The following PRH1 variants were observed in gnomAD, a reference collection of about 807,000 sequenced individuals.
PRH1 encodes proline rich protein HaeIII subfamily 1.
A neutral mutation model predicts 7.9 loss-of-function variants in PRH1; 7 were observed. That is an observed-to-expected ratio of 0.89 (90% CI 0.50 to 1.67). The LOEUF is 1.67. PRH1 is among the 40% of genes most tolerant of loss of function. PRH1 has a pLI of 0.00. For missense variants in PRH1, 109 were observed against 223.6 expected, an observed-to-expected ratio of 0.49 and a Z score of 3.27; for synonymous variants, 45 against 80.8, an observed-to-expected ratio of 0.56 and a Z score of 2.38.
At position 11,113,978 on chromosome 12, in the gene PRH1, T is replaced by C. The variant is rs558096100; in HGVS notation, n.123+57444A>G. 1.4e-3 allele frequency among the ~76,000 whole-genome samples: 207 copies of C among 151,944 alleles called. 1 individual carries two copies. Among genetic ancestry groups the C allele is most frequent in the Middle Eastern group, 3.4e-3 (1 of 294 alleles). On this transcript the variant is annotated intron_variant and non_coding_transcript_variant, in intron 1 of 4. Transcript: ENST00000541977. Reference sequence around the variant, plus strand: ...AATGAGATACCATCTCATGACAGAATGGTGATCATTAAAAAGTCAGGAAAC... The same window carrying C: ...AATGAGATACCATCTCATGACAGAACGGTGATCATTAAAAAGTCAGGAAAC...
intron 1 of PRH1, chr12:10,997,340 ACAGTCAAGTTGGAAAGGTGCATT>A (rs901985651): frequency 1.2e-6 from 2 of 1,614,122 alleles, no homozygotes; most frequent in African/African-American, 2.7e-5. Context: ...TAGCATGGCT[ACAGTCAAGTTGGAAAGGTGCATT>A]GCATTCCTCA....
At chr12:11,165,039 T>C (rs1947529873) in intron 1 of PRH1, among the ~76,000 whole-genome samples, 1 of 152,216 alleles carries the variant, frequency 6.6e-6, no homozygotes, top group African/African-American at 2.4e-5. Flanking sequence ...TTTCACTTGG[T>C]AGAATGTTTA....
intron 1 of PRH1, among the ~76,000 whole-genome samples, chr12:11,066,779 T>A (rs1337166175): frequency 6.6e-6 from 1 of 151,806 alleles, no homozygotes; most frequent in African/African-American, 2.4e-5. Flanking sequence ...GGCCTCATGT[T>A]TCTTCTATGA....
chr12:11,167,445 ATT>A (rs145652303), intron 1 of PRH1, among the ~76,000 whole-genome samples: 27 of 140,400 alleles, frequency 1.9e-4, no homozygotes, highest in African/African-American at 3.7e-4. Flanking sequence ...AAGGCTTGTA[ATT>A]TTTTTTTTTT....
intron 1 of PRH1, chr12:11,166,397 C>A (rs999470468): frequency 2.0e-5 from 3 of 151,658 alleles, no homozygotes; most frequent in Non-Finnish European, 2.9e-5. Flanking sequence ...CCTGTGACAA[C>A]AGACTTCTAA....
chr12:11,104,571 T>C (rs951732021), intron 1 of PRH1, among the ~76,000 whole-genome samples: 6 of 151,586 alleles, frequency 4.0e-5, no homozygotes, highest in African/African-American at 1.5e-4. Flanking sequence ...TGTATAAGTA[T>C]GCCACAATTT....
At chr12:11,041,743 TAAAC>T (rs1328171715) in intron 1 of PRH1, among the ~76,000 whole-genome samples, 4 of 152,278 alleles carry the variant, frequency 2.6e-5, no homozygotes, top group Admixed American at 2.6e-4. Flanking sequence ...AAACAAGTCT[TAAAC>T]AATCCAAAAA....
At chr12:10,986,640 G>C in intron 1 of PRH1, 1 of 1,613,262 alleles carries the variant, frequency 6.2e-7, no homozygotes, top group Non-Finnish European at 8.5e-7. Flanking sequence ...ACTATAAAAA[G>C]CTGGATTCAA....
intron 1 of PRH1, among the ~76,000 whole-genome samples, chr12:11,136,627 CAA>C (rs1464917731): frequency 2.0e-5 from 3 of 152,112 alleles, no homozygotes; most frequent in Admixed American, 6.6e-5. Flanking sequence ...TAATCACCCT[CAA>C]GACATTATTA....
intron 2 of PRH1, among the ~76,000 whole-genome samples, chr12:10,910,850 T>G (rs1004292612): frequency 8.5e-5 from 13 of 152,204 alleles, no homozygotes; most frequent in African/African-American, 2.9e-4. Context: ...GAATTATGAA[T>G]GTTTGTATTT....
chr12:10,959,785 C>A (rs1253054071), intron 2 of PRH1, among the ~76,000 whole-genome samples: 1 of 151,972 alleles, frequency 6.6e-6, no homozygotes, highest in African/African-American at 2.4e-5. Context: ...TCTATTGAAC[C>A]ATTTGGCTAC....
chr12:11,008,663 C>T (rs1279197760), intron 1 of PRH1, among the ~76,000 whole-genome samples: 2 of 152,144 alleles, frequency 1.3e-5, no homozygotes, highest in Non-Finnish European at 2.9e-5. Flanking sequence ...CTGGACTTAA[C>T]ATTATGAATC....
intron 2 of PRH1, among the ~76,000 whole-genome samples, chr12:10,903,035 A>G (rs928112904): frequency 1.3e-5 from 2 of 152,190 alleles, no homozygotes; most frequent in African/African-American, 4.8e-5. Flanking sequence ...TAAATGGTCT[A>G]AATACCCTCA....
At chr12:10,967,390 A>G (rs551066004) in intron 2 of PRH1, among the ~76,000 whole-genome samples, 18 of 152,320 alleles carry the variant, frequency 1.2e-4, no homozygotes, top group African/African-American at 4.3e-4. Context: ...AAAATGGTAA[A>G]CACAGCAATG....
chr12:10,960,561 T>C (rs1938190993), intron 2 of PRH1, among the ~76,000 whole-genome samples: 1 of 152,202 alleles, frequency 6.6e-6, no homozygotes, highest in East Asian at 1.9e-4. Flanking sequence ...AATTTGTTTG[T>C]TGGGGTAAGA....
chr12:11,019,835 T>A (rs2136065443), intron 1 of PRH1, among the ~76,000 whole-genome samples: 1 of 152,404 alleles, frequency 6.6e-6, no homozygotes, highest in East Asian at 1.9e-4. Flanking sequence ...CAAAAGTGTG[T>A]TTGGCAGCTG....
intron 2 of PRH1, among the ~76,000 whole-genome samples, chr12:10,901,716 C>T (rs953175415): frequency 6.6e-6 from 1 of 152,080 alleles, no homozygotes; most frequent in Non-Finnish European, 1.5e-5. Context: ...TAATATAAAA[C>T]CTGCAACCTG....
At chr12:11,055,334 T>C (rs1480253991) in intron 1 of PRH1, among the ~76,000 whole-genome samples, 1 of 152,226 alleles carries the variant, frequency 6.6e-6, no homozygotes, top group Non-Finnish European at 1.5e-5. Flanking sequence ...TGGATAATAA[T>C]GATGAGTAGT....
chr12:10,884,272 C>T, upstream of PRH1: 1 of 1,611,732 alleles, frequency 6.2e-7, no homozygotes, highest in Non-Finnish European at 8.5e-7. Context: ...AACGTGTCAG[C>T]TCCCTTTATA....
Sources: allele counts gnomAD v4.1 joint callset (sites outside exome capture counted in the v4.1 genomes callset), GRCh38; gene constraint gnomAD v4.1.1; transcripts MANE v1.5; gene names NCBI Gene and HGNC (gene_info 2026-07-23, HGNC 2026-07-21).